Variants in GSE1 observed in about 807,000 individuals in gnomAD.
The protein encoded by GSE1 is Gse1 coiled-coil protein.
A neutral mutation model predicts 112.6 loss-of-function variants in GSE1; 32 were observed. That is an observed-to-expected ratio of 0.28 (90% CI 0.21 to 0.38). The LOEUF is 0.38. GSE1 is among the 10% of genes least tolerant of loss of function. The pLI is 1.00. For missense variants in GSE1, 2,348 were observed against 1,699.2 expected, an observed-to-expected ratio of 1.38 and a Z score of -6.71; for synonymous variants, 1,115 against 735.6, an observed-to-expected ratio of 1.52 and a Z score of -8.35.
rs577784639 is a variant in GSE1 at position 85,302,061 on chromosome 16, C to A, written c.2284-55402C>A. Among the ~76,000 whole-genome samples, 590 of 152,302 alleles carry A rather than the reference C, an allele frequency of 3.9e-3. 1 individual carries two copies. Among genetic ancestry groups the A allele is most frequent in the Non-Finnish European group, 7.5e-3 (507 of 68,020 alleles). On this transcript the variant is annotated intron_variant, in intron 1 of 2. Coordinates refer to the GSE1 transcript ENST00000637419. ...CTCCCTCCCCGGCTGAGCTGCAGGG[C>A]AGCCCTCTGAACAGCTGCTAATGGC... is the stretch of plus-strand genomic sequence containing the variant.
intron 2 of GSE1, among the ~76,000 whole-genome samples, chr16:85,430,415 A>C (rs991561450): frequency 2.6e-4 from 39 of 152,320 alleles, no homozygotes; most frequent in African/African-American, 8.9e-4. Flanking sequence ...AACTTGCCTA[A>C]GGTCACCCAG....
intron 2 of GSE1, among the ~76,000 whole-genome samples, chr16:85,362,731 C>T (rs11863811): frequency 0.052 from 7,832 of 152,046 alleles, 647 homozygotes; most frequent in African/African-American, 0.18. Flanking sequence ...GCCATTGGGG[C>T]TGCCGTGTGG....
rs143240549 is a variant in GSE1 at position 85,533,664 on chromosome 16, G to A, written c.2465-100250G>A. On this transcript the variant is annotated intron_variant, in intron 2 of 2. Transcript: ENST00000637419. ...GGATCACTTCAGCCCAGGAGTTTGAGACCAGCCTGGGCAACATAGAGGGAC... is the reference window on the plus strand; with the variant it reads ...GGATCACTTCAGCCCAGGAGTTTGAAACCAGCCTGGGCAACATAGAGGGAC... Among the ~76,000 whole-genome samples the A allele has an allele frequency of 1.8e-3, 270 of 152,142 alleles. 4 individuals are homozygous for A. The highest frequency in any genetic ancestry group is 0.012 in the South Asian group (58 of 4,808).
At position 85,613,345 on chromosome 16, in the gene GSE1, G is replaced by A. The variant is rs373660795; in HGVS notation, c.-47G>A. On this transcript the variant is annotated 5_prime_UTR_variant, in exon 1 of 16. Coordinates refer to ENST00000253458, the MANE Select transcript of GSE1 (RefSeq NM_014615.5). ...GCAGTTTAGACAAACACTGGGCGAC[G>A]GTGGCTCCAGCATGTATCAGCCGAG... 3.2e-6 allele frequency: 5 copies of A among 1,563,886 alleles called. No individual in the cohort carries two copies. Among genetic ancestry groups the A allele is most frequent in the African/African-American group, 2.7e-5 (2 of 73,318 alleles).
At chr16:85,450,991 T>C (rs2151802264) in intron 2 of GSE1, among the ~76,000 whole-genome samples, 1 of 149,216 alleles carries the variant, frequency 6.7e-6, no homozygotes, top group East Asian at 2.0e-4. Flanking sequence ...GGAGAATTGC[T>C]TGAAACCAGG....
At chr16:85,561,855 C>A (rs187119281) in intron 1 of GSE1, among the ~76,000 whole-genome samples, 2 of 152,246 alleles carry the variant, frequency 1.3e-5, no homozygotes, top group East Asian at 3.9e-4. Flanking sequence ...TCCCACCCAT[C>A]TAAACTGCTT....
chr16:85,475,226 A>G (rs1298825532), intron 2 of GSE1, among the ~76,000 whole-genome samples: 3 of 151,196 alleles, frequency 2.0e-5, no homozygotes, highest in African/African-American at 7.3e-5. Flanking sequence ...ACCCCACCCC[A>G]CCTCCTGTAA....
intron 2 of GSE1, among the ~76,000 whole-genome samples, chr16:85,466,336 G>T (rs1472799918): frequency 1.3e-5 from 2 of 152,226 alleles, no homozygotes. Flanking sequence ...CCAAGGAGGA[G>T]TGGCCCCCAG....
chr16:85,561,977 G>A (rs1282557455), intron 1 of GSE1, among the ~76,000 whole-genome samples: 1 of 152,238 alleles, frequency 6.6e-6, no homozygotes, highest in African/African-American at 2.4e-5. Context: ...GCCGAGGCGG[G>A]GACGGGGCAC....
chr16:85,516,132 T>A (rs1240034552), intron 2 of GSE1, among the ~76,000 whole-genome samples: 1 of 152,116 alleles, frequency 6.6e-6, no homozygotes, highest in Non-Finnish European at 1.5e-5. Context: ...CTGTGGTCCC[T>A]GCTGGGGACA....
At chr16:85,281,030 C>T (rs112601934) in intron 1 of GSE1, among the ~76,000 whole-genome samples, 6 of 152,122 alleles carry the variant, frequency 3.9e-5, no homozygotes, top group African/African-American at 4.8e-5. Flanking sequence ...TGATGGGTTG[C>T]GGGGAAGTTT....
intron 1 of GSE1, among the ~76,000 whole-genome samples, chr16:85,628,991 G>A (rs539792857): frequency 5.3e-4 from 81 of 152,264 alleles, no homozygotes; most frequent in African/African-American, 1.7e-3. Flanking sequence ...TCTCATGAAG[G>A]GGTTATCACC....
At chr16:85,521,794 G>A (rs979613452) in intron 2 of GSE1, among the ~76,000 whole-genome samples, 1 of 152,260 alleles carries the variant, frequency 6.6e-6, no homozygotes, top group Non-Finnish European at 1.5e-5. Flanking sequence ...TTCTGTCTGA[G>A]TGTTCTCACC....
In GSE1 at chr16:85,321,831, T is replaced by C. The variant is rs1220062784; in HGVS notation, c.2284-35632T>C. Among the ~76,000 whole-genome samples the C allele has an allele frequency of 2.6e-5, 4 of 151,340 alleles. No homozygotes were observed. In the East Asian group the frequency reaches 7.7e-4, roughly 29 times the overall value. ...AAGAAAAAAAAGTTCTGCCTGTAACTGACGGAAGAATCTAGAGGCTGATTG... is the reference window on the plus strand; with the variant it reads ...AAGAAAAAAAAGTTCTGCCTGTAACCGACGGAAGAATCTAGAGGCTGATTG... On this transcript the variant is annotated intron_variant, in intron 1 of 2. Transcript: ENST00000637419.
chr16:85,177,709 C>T (rs530626869), intron 1 of GSE1, among the ~76,000 whole-genome samples: 7 of 152,294 alleles, frequency 4.6e-5, no homozygotes, highest in South Asian at 2.1e-4. Flanking sequence ...AGGCTAAGAA[C>T]GGGAGCATGA....
intron 1 of GSE1, among the ~76,000 whole-genome samples, chr16:85,287,989 C>T (rs1323451241): frequency 6.6e-6 from 1 of 152,232 alleles, no homozygotes; most frequent in East Asian, 1.9e-4. Flanking sequence ...CCTGTAATCC[C>T]AGCACTTCGG....
At chr16:85,291,827 C>T (rs911391052) in intron 1 of GSE1, among the ~76,000 whole-genome samples, 2 of 152,216 alleles carry the variant, frequency 1.3e-5, no homozygotes, top group Non-Finnish European at 2.9e-5. Flanking sequence ...CCTCCCCATC[C>T]CCCCGCCAGC....
At chr16:85,432,580 G>A (rs1467232451) in intron 2 of GSE1, among the ~76,000 whole-genome samples, 1 of 152,214 alleles carries the variant, frequency 6.6e-6, no homozygotes, top group Non-Finnish European at 1.5e-5. Context: ...GCACGTCGTG[G>A]CAGGTGTCAT....
chr16:85,252,215 G>A (rs902143939), intron 1 of GSE1, among the ~76,000 whole-genome samples: 2 of 152,160 alleles, frequency 1.3e-5, no homozygotes, highest in Non-Finnish European at 2.9e-5. Context: ...CCTGGCTCCC[G>A]AGGGAATCTG....
Sources: allele counts gnomAD v4.1 joint callset (sites outside exome capture counted in the v4.1 genomes callset), GRCh38; gene constraint gnomAD v4.1.1; transcripts MANE v1.5; gene names NCBI Gene and HGNC (gene_info 2026-07-23, HGNC 2026-07-21).